The following MED12L variants were observed in gnomAD, a reference collection of about 807,000 sequenced individuals.
MED12L encodes mediator of RNA polymerase II transcription subunit 12-like protein.
Under a neutral mutation model 281.3 loss-of-function variants are expected in MED12L, and 60 were observed. That is an observed-to-expected ratio of 0.21 (90% CI 0.17 to 0.26). The LOEUF is 0.26. Ranked by LOEUF, MED12L falls within the 10% of genes least tolerant of loss-of-function variation. The probability of loss-of-function intolerance (pLI) is 1.00; values close to 1 mark genes in which losing one functional copy is unlikely to be tolerated. For missense variants in MED12L, 2,146 were observed against 2,680.9 expected (o/e 0.80, Z 4.41); for synonymous variants, 974 against 987.2 (o/e 0.99, Z 0.25).
intron 16 of MED12L, chr3:151,326,837 C>T (rs1749658850): frequency 1.3e-5 from 2 of 152,068 alleles, no homozygotes; most frequent in African/African-American, 4.8e-5. Flanking sequence ...GACTCTTATC[C>T]ATCATTTCAG....
intron 21 of MED12L, among the ~76,000 whole-genome samples, chr3:151,364,157 A>G (rs1754994170): frequency 6.6e-6 from 1 of 152,194 alleles, no homozygotes; most frequent in Non-Finnish European, 1.5e-5. Flanking sequence ...GTAAGCACAA[A>G]TGGCTAAGTT....
At chr3:151,254,842 T>C (rs1442846269) in intron 16 of MED12L, among the ~76,000 whole-genome samples, 1 of 152,226 alleles carries the variant, frequency 6.6e-6, no homozygotes. Context: ...GTTGCAATTA[T>C]TGCTGTCTTA....
chr3:151,432,796 C>G lies in MED12L; in HGVS notation c.6535C>G (p.His2179Asp). Residue 2179 changes from histidine (H) to aspartate (D), a missense_variant, in exon 45 of 45, where the codon CAC (histidine) becomes GAC (aspartate). Physicochemically the swap from His to Asp is moderately conservative, Grantham distance 81. Transcript: ENST00000687756. ...AGTGACTCCGTATGGGCATCCTTCA[C>G]ACTTCTGAATCTGCAAGAGGAGAAG... is the stretch of plus-strand genomic sequence containing the variant. ...QGVTPYGHPS[H>D]F The G allele has an allele frequency of 6.2e-7, 1 of 1,613,096 alleles. No individual in the cohort carries two copies. The highest frequency in any genetic ancestry group is 8.5e-7 in the Non-Finnish European group (1 of 1,179,368).
intron 16 of MED12L, among the ~76,000 whole-genome samples, chr3:151,259,670 G>A (rs1476176400): frequency 6.6e-6 from 1 of 152,164 alleles, no homozygotes; most frequent in Non-Finnish European, 1.5e-5. Context: ...CCTCTTTGCA[G>A]TGAATGCTAC....
At chr3:151,341,499 T>A (rs1347274059) in intron 16 of MED12L, among the ~76,000 whole-genome samples, 1 of 152,086 alleles carries the variant, frequency 6.6e-6, no homozygotes, top group Admixed American at 6.6e-5. Flanking sequence ...TTGTTTAACT[T>A]TGAAACCAGA....
chr3:151,417,514 A>G (rs76864306), intron 43 of MED12L, among the ~76,000 whole-genome samples: 16,296 of 106,238 alleles, frequency 0.15, 1,635 homozygotes, highest in East Asian at 0.48. Flanking sequence ...TTTGAGACGG[A>G]ATCTCACTCG....
intron 2 of MED12L, among the ~76,000 whole-genome samples, chr3:151,092,289 A>G (rs1376437166): frequency 6.6e-6 from 1 of 152,124 alleles, no homozygotes; most frequent in African/African-American, 2.4e-5. Context: ...CATTTCCCTG[A>G]GTTAATATGT....
chr3:151,355,058 C>A (rs1443034699), intron 17 of MED12L, 63 bp from the exon 18 acceptor site: 4 of 1,165,112 alleles, frequency 3.4e-6, no homozygotes, highest in Non-Finnish European at 5.1e-6. Context: ...AAAAAGTATC[C>A]ATTAAAAATG....
At chr3:151,141,578 C>T (rs536241576) in intron 5 of MED12L, among the ~76,000 whole-genome samples, 5 of 152,046 alleles carry the variant, frequency 3.3e-5, no homozygotes, top group Non-Finnish European at 5.9e-5. Flanking sequence ...AATAATGGAT[C>T]GACTGGAAAA....
chr3:151,283,641 T>C (rs1410268044), intron 16 of MED12L, among the ~76,000 whole-genome samples: 3 of 152,234 alleles, frequency 2.0e-5, no homozygotes, highest in African/African-American at 7.2e-5. Flanking sequence ...GGCTTTGTTT[T>C]GTACCCGTGA....
At chr3:151,237,710 A>G (rs1733200381) in intron 16 of MED12L, among the ~76,000 whole-genome samples, 1 of 152,160 alleles carries the variant, frequency 6.6e-6, no homozygotes, top group African/African-American at 2.4e-5. Context: ...ATGTGTAGTG[A>G]TCCTGTGGAT....
chr3:151,388,370 G>A (rs6798347), intron 37 of MED12L, among the ~76,000 whole-genome samples, 198 bp downstream of exon 37: 38,015 of 151,992 alleles, frequency 0.25, 5,006 homozygotes, highest in South Asian at 0.38. Flanking sequence ...TTGATTTTCC[G>A]TCCTCCACTT....
At chr3:151,313,178 C>G (rs1006781086) in intron 16 of MED12L, among the ~76,000 whole-genome samples, 1 of 152,058 alleles carries the variant, frequency 6.6e-6, no homozygotes, top group Non-Finnish European at 1.5e-5. Context: ...TCCTAACTAC[C>G]GCTCTGCTAC....
chr3:151,400,653 A>G (rs1337416043), intron 39 of MED12L, among the ~76,000 whole-genome samples: 1 of 152,144 alleles, frequency 6.6e-6, no homozygotes, highest in African/African-American at 2.4e-5. Flanking sequence ...CCTTGGCAAA[A>G]ATGAATCTGT....
intron 5 of MED12L, among the ~76,000 whole-genome samples, chr3:151,135,688 C>T (rs1032716244): frequency 5.3e-5 from 8 of 152,080 alleles, no homozygotes; most frequent in Non-Finnish European, 1.0e-4. Context: ...TGGGTCTGGG[C>T]CACTGGAGGC....
chr3:151,208,173 T>A (rs931257622), intron 16 of MED12L, among the ~76,000 whole-genome samples: 1 of 152,248 alleles, frequency 6.6e-6, no homozygotes, highest in Non-Finnish European at 1.5e-5. Flanking sequence ...TGAACTACAC[T>A]TGGCCATGCC....
At chr3:151,252,133 A>C (rs747808870) in intron 16 of MED12L, among the ~76,000 whole-genome samples, 1 of 152,134 alleles carries the variant, frequency 6.6e-6, no homozygotes, top group Non-Finnish European at 1.5e-5. Flanking sequence ...CCTATGCAGG[A>C]TAAACTCACC....
At chr3:151,369,405 T>G in intron 25 of MED12L, 31 bp from the exon 26 acceptor site, 8 of 1,423,176 alleles carry the variant, frequency 5.6e-6, no homozygotes, top group East Asian at 2.3e-5. Context: ...ATGATGGTAA[T>G]GAGACTATTA....
At chr3:151,142,857 A>G (rs1717251670) in intron 5 of MED12L, among the ~76,000 whole-genome samples, 1 of 152,116 alleles carries the variant, frequency 6.6e-6, no homozygotes, top group Admixed American at 6.5e-5. Context: ...ATTAGGTTTC[A>G]AAGTCATTTT....
Sources: gnomAD v4.1 joint callset for allele counts (sites outside exome capture counted in the v4.1 genomes callset) on GRCh38, gnomAD v4.1.1 for gene constraint, MANE v1.5 for transcripts, NCBI Gene and HGNC (gene_info 2026-07-23, HGNC 2026-07-21) for gene names.